Variants in CRADD observed in about 807,000 individuals in gnomAD.
CRADD encodes CARD and death domain containing adaptor protein, also known as death domain-containing protein CRADD.
Under a neutral mutation model 15.5 loss-of-function variants are expected in CRADD, and 9 were observed. That is an observed-to-expected ratio of 0.58 (90% CI 0.35 to 1.01). The LOEUF (loss-of-function observed/expected upper bound fraction) is 1.01, where lower values mean the gene tolerates loss of function less well. CRADD is among the 50% of genes least tolerant of loss of function. The pLI, the probability that CRADD is intolerant of heterozygous loss-of-function variation, is 0.02. For missense variants in CRADD, 227 were observed against 250.3 expected, an observed-to-expected ratio of 0.91 and a Z score of 0.63; for synonymous variants, 118 against 107.6, an observed-to-expected ratio of 1.10 and a Z score of -0.60.
chr12:93,886,428 T>C (rs1423874185), intron 2 of CRADD, among the ~76,000 whole-genome samples: 1 of 152,164 alleles, frequency 6.6e-6, no homozygotes, highest in Non-Finnish European at 1.5e-5. Context: ...GCTAAAGTGC[T>C]GGGATTACGG....
intron 2 of CRADD, among the ~76,000 whole-genome samples, chr12:93,753,831 T>C (rs2136942563): frequency 6.6e-6 from 1 of 152,340 alleles, no homozygotes; most frequent in Non-Finnish European, 1.5e-5. Flanking sequence ...TGAGTGTCTA[T>C]GGCTTTTCCA....
intron 2 of CRADD, among the ~76,000 whole-genome samples, chr12:93,805,497 G>A (rs769175549): frequency 2.6e-5 from 4 of 151,194 alleles, no homozygotes; most frequent in African/African-American, 4.9e-5. Flanking sequence ...CCAGTCCTCC[G>A]AGCCTGTTTC....
intron 2 of CRADD, among the ~76,000 whole-genome samples, chr12:93,812,425 A>G (rs1334665693): frequency 1.3e-5 from 2 of 152,212 alleles, no homozygotes; most frequent in East Asian, 1.9e-4. Context: ...TCATAATCCT[A>G]GCACTTTGGG....
chr12:93,819,140 G>A (rs75946455), intron 2 of CRADD, among the ~76,000 whole-genome samples: 2,938 of 152,302 alleles, frequency 0.019, 93 homozygotes, highest in African/African-American at 0.066. Flanking sequence ...TACTTGGCCC[G>A]CCCTGTCCGC....
intron 2 of CRADD, among the ~76,000 whole-genome samples, chr12:93,872,872 A>G (rs1958432868): frequency 6.6e-6 from 1 of 151,974 alleles, no homozygotes; most frequent in African/African-American, 2.4e-5. Flanking sequence ...TTTGCTTAGG[A>G]TATCTTTGAC....
At chr12:93,781,682 A>G (rs571406643) in intron 2 of CRADD, among the ~76,000 whole-genome samples, 1 of 152,316 alleles carries the variant, frequency 6.6e-6, no homozygotes, top group Non-Finnish European at 1.5e-5. Context: ...CCCTCCCTCA[A>G]CGAGGCTGAA....
intron 2 of CRADD, 59 bp downstream of exon 2, chr12:93,679,131 C>CT (rs1322661292): frequency 3.7e-6 from 5 of 1,364,048 alleles, no homozygotes; most frequent in Non-Finnish European, 5.1e-6. Context: ...ATGCTCTTTG[C>CT]TTTTTTGTTT....
At chr12:93,778,459 G>GT (rs1306221668) in intron 2 of CRADD, among the ~76,000 whole-genome samples, 1 of 152,202 alleles carries the variant, frequency 6.6e-6, no homozygotes, top group Non-Finnish European at 1.5e-5. Context: ...TGAGTAGGGA[G>GT]TAACTAAGCT....
chr12:93,860,558 C>G (rs1008791386), intron 2 of CRADD, among the ~76,000 whole-genome samples: 2 of 152,062 alleles, frequency 1.3e-5, no homozygotes, highest in Non-Finnish European at 2.9e-5. Flanking sequence ...AGTACTGTTG[C>G]CAAAAGGTCA....
intron 1 of CRADD, among the ~76,000 whole-genome samples, chr12:93,678,354 G>A (rs1429531658): frequency 6.6e-6 from 1 of 152,188 alleles, no homozygotes; most frequent in Non-Finnish European, 1.5e-5. Flanking sequence ...TGGTGGTGGT[G>A]GTGCAGGTCT....
chr12:93,872,482 GC>G (rs1958429171), intron 2 of CRADD, among the ~76,000 whole-genome samples: 1 of 152,028 alleles, frequency 6.6e-6, no homozygotes. Context: ...TTTTGCCCAG[GC>G]CAATGTTCTG....
chr12:93,714,015 T>C (rs2136869607), intron 2 of CRADD, among the ~76,000 whole-genome samples: 1 of 152,328 alleles, frequency 6.6e-6, no homozygotes, highest in East Asian at 1.9e-4. Flanking sequence ...TGCCTTCAGC[T>C]CTTTGGATGG....
chr12:93,701,899 T>C (rs1955850025), intron 2 of CRADD, among the ~76,000 whole-genome samples: 1 of 152,138 alleles, frequency 6.6e-6, no homozygotes, highest in African/African-American at 2.4e-5. Context: ...TCTTATCTAT[T>C]CTTCAGAGCC....
intron 2 of CRADD, among the ~76,000 whole-genome samples, chr12:93,729,163 G>T (rs1019489947): frequency 1.6e-4 from 25 of 152,052 alleles, no homozygotes; most frequent in Non-Finnish European, 1.8e-4. Context: ...GCACCAAACC[G>T]CAAAAAACAA....
chr12:93,706,071 G>C (rs1225421777), intron 2 of CRADD, among the ~76,000 whole-genome samples: 2 of 152,074 alleles, frequency 1.3e-5, no homozygotes, highest in East Asian at 1.9e-4. Flanking sequence ...ACATGTACTC[G>C]TATAGCTGCC....
intron 2 of CRADD, among the ~76,000 whole-genome samples, chr12:93,815,651 G>T (rs535753387): frequency 6.6e-6 from 1 of 152,230 alleles, no homozygotes; most frequent in South Asian, 2.1e-4. Context: ...AAACTTCTGG[G>T]CCAGGTAATC....
chr12:93,681,233 G>A (rs1955289672), intron 2 of CRADD, among the ~76,000 whole-genome samples: 1 of 152,100 alleles, frequency 6.6e-6, no homozygotes, highest in South Asian at 2.1e-4. Flanking sequence ...AAAGAATTAA[G>A]GCATTTTTTA....
chr12:93,828,960 G>C (rs993644250), intron 2 of CRADD, among the ~76,000 whole-genome samples: 1 of 152,076 alleles, frequency 6.6e-6, no homozygotes, highest in African/African-American at 2.4e-5. Context: ...TTTTATATGT[G>C]AACAACTGGC....
At chr12:93,737,964 C>A in intron 2 of CRADD, 1 of 319,702 alleles carries the variant, frequency 3.1e-6, no homozygotes, top group Non-Finnish European at 5.6e-6. Flanking sequence ...TAAAATAAAG[C>A]TCATTATATA....
Sources: allele counts gnomAD v4.1 joint callset (sites outside exome capture counted in the v4.1 genomes callset), GRCh38; gene constraint gnomAD v4.1.1; transcripts MANE v1.5; gene names NCBI Gene and HGNC (gene_info 2026-07-23, HGNC 2026-07-21).